MIPOL1: variants seen among roughly 807,000 people sequenced by gnomAD.
The protein encoded by MIPOL1 is mirror-image polydactyly 1.
MIPOL1 carries 57 observed loss-of-function variants against 60.9 expected under a neutral mutation model. The observed-to-expected ratio is 0.94, with a 90% CI of 0.76 to 1.17. The LOEUF (loss-of-function observed/expected upper bound fraction) is 1.17, where lower values mean the gene tolerates loss of function less well. Among genes scored for constraint, MIPOL1 ranks in the 50% most tolerant of loss-of-function variants. The probability of loss-of-function intolerance (pLI) is 0.00; values close to 1 mark genes in which losing one functional copy is unlikely to be tolerated. For missense variants in MIPOL1, 551 were observed against 511.6 expected (o/e 1.08, Z -0.74); for synonymous variants, 179 against 168.8 (o/e 1.06, Z -0.47).
intron 12 of MIPOL1, among the ~76,000 whole-genome samples, chr14:37,522,316 A>G (rs1027576175): frequency 3.3e-5 from 5 of 152,202 alleles, no homozygotes; most frequent in Admixed American, 6.5e-5. Flanking sequence ...AGGAAATTTA[A>G]TAGTTTGTTA....
At chr14:37,372,153 A>G (rs991219023) in intron 10 of MIPOL1, among the ~76,000 whole-genome samples, 9 of 151,990 alleles carry the variant, frequency 5.9e-5, no homozygotes, top group African/African-American at 1.9e-4. Context: ...TGAGCAATTC[A>G]TGGTTTATTT....
chr14:37,448,057 A>G (rs1348706044), intron 11 of MIPOL1, among the ~76,000 whole-genome samples: 1 of 152,166 alleles, frequency 6.6e-6, no homozygotes, highest in Non-Finnish European at 1.5e-5. Flanking sequence ...CAAGGCTGCA[A>G]ACTGGATATG....
intron 9 of MIPOL1, among the ~76,000 whole-genome samples, chr14:37,332,896 A>T (rs1021447396): frequency 1.3e-5 from 2 of 152,194 alleles, no homozygotes; most frequent in Non-Finnish European, 2.9e-5. Context: ...TTTTGCTATG[A>T]TACACAATTT....
At chr14:37,279,448 A>G (rs141528218) in intron 6 of MIPOL1, among the ~76,000 whole-genome samples, 13 of 151,960 alleles carry the variant, frequency 8.6e-5, no homozygotes, top group African/African-American at 3.1e-4. Context: ...CTCAGTGTTT[A>G]CAATTAAGTT....
rs887994688 is a variant in MIPOL1 at position 37,285,510 on chromosome 14, G to A, written c.623+63G>A. Reference sequence around the variant, plus strand: ...CACTTATAAAAGGCATGCTTTAGGTGGTAGTTACATATTTAAAAATGTGAC... The same window carrying A: ...CACTTATAAAAGGCATGCTTTAGGTAGTAGTTACATATTTAAAAATGTGAC... On this transcript the variant is annotated intron_variant, in intron 7 of 12. Transcript: ENST00000684589. 2.6e-6 allele frequency: 4 copies of A among 1,511,728 alleles called. No homozygotes were observed. In the African/African-American group the frequency reaches 5.6e-5, roughly 21 times the overall value. The allele number at this position is 1,511,728 out of a possible 1,614,324, so 93.6% of individuals were successfully genotyped here.
At chr14:37,294,727 G>A (rs6571802) in intron 7 of MIPOL1, among the ~76,000 whole-genome samples, 150,454 of 152,256 alleles carry the variant, frequency 0.99, 74,361 homozygotes, top group Middle Eastern at 1. Flanking sequence ...GATGAAATGA[G>A]TGAAATGAAG....
chr14:37,298,144 C>T (rs1331922688), intron 7 of MIPOL1, among the ~76,000 whole-genome samples: 7 of 152,094 alleles, frequency 4.6e-5, no homozygotes, highest in Non-Finnish European at 7.4e-5. Flanking sequence ...AGAAATAATG[C>T]CGCATATCTA....
rs535591985 is a variant in MIPOL1 at position 37,417,794 on chromosome 14, A to G, written c.937-5061A>G. On this transcript the variant is annotated intron_variant, in intron 10 of 12. Coordinates refer to ENST00000684589, the MANE Select transcript of MIPOL1 (RefSeq NM_001388067.1). ...TTATGGTTACTCTGGAAATAACTCT[A>G]TTAAAATAACTATCACACATATTAA... is the stretch of plus-strand genomic sequence containing the variant. Among the ~76,000 whole-genome samples the G allele has an allele frequency of 3.3e-5, 5 of 152,302 alleles. No individual in the cohort carries two copies. In the South Asian group the frequency reaches 1.0e-3, roughly 32 times the overall value.
intron 9 of MIPOL1, among the ~76,000 whole-genome samples, chr14:37,328,300 C>T (rs1012151473): frequency 6.6e-6 from 1 of 152,098 alleles, no homozygotes; most frequent in Non-Finnish European, 1.5e-5. Flanking sequence ...CAGGCATAAG[C>T]CACCACACCC....
intron 10 of MIPOL1, among the ~76,000 whole-genome samples, chr14:37,395,567 T>C (rs1263405107): frequency 6.6e-6 from 1 of 152,206 alleles, no homozygotes; most frequent in East Asian, 1.9e-4. Flanking sequence ...TTGGTCACTG[T>C]TGGTTTATAG....
intron 12 of MIPOL1, among the ~76,000 whole-genome samples, chr14:37,543,969 A>G (rs2095538689): frequency 6.6e-6 from 1 of 152,224 alleles, no homozygotes; most frequent in African/African-American, 2.4e-5. Context: ...ACATTAATCA[A>G]GATAAGAAAT....
chr14:37,545,814 G>C, intron 12 of MIPOL1: 1 of 475,294 alleles, frequency 2.1e-6, no homozygotes, highest in Non-Finnish European at 3.8e-6. Context: ...TCAGTGTCTA[G>C]CTCTGTGCTG....
chr14:37,521,910 A>ATTTT lies in MIPOL1; in HGVS notation c.1262+21779_1262+21782dup, dbSNP rs34333538. ...GAAAAAAAAATATATATATATATAT[A>ATTTT]TTTTTTTTTTCTTTGGCTTCAAAAA... is the stretch of plus-strand genomic sequence containing the variant. On this transcript the variant is annotated intron_variant, in intron 12 of 12. Transcript: ENST00000684589. Among the ~76,000 whole-genome samples, 632 of 132,760 alleles carry ATTTT rather than the reference A, an allele frequency of 4.8e-3. 7 individuals carry two copies. Among genetic ancestry groups the ATTTT allele is most frequent in the African/African-American group, 0.017 (595 of 35,920 alleles). 87.1% of individuals were successfully genotyped at this position (132,760 alleles called of 152,430 possible). A position where few individuals can be genotyped will look rare whatever the true frequency, so the allele number is the denominator to read the frequency against.
chr14:37,209,963 G>C (rs1966669547), intron 1 of MIPOL1, among the ~76,000 whole-genome samples: 1 of 151,422 alleles, frequency 6.6e-6, no homozygotes, highest in Admixed American at 6.6e-5. Context: ...CTCCCACCTT[G>C]GACTCTCAAA....
chr14:37,466,075 A>G (rs1257030157), intron 11 of MIPOL1, among the ~76,000 whole-genome samples: 1 of 152,200 alleles, frequency 6.6e-6, no homozygotes, highest in African/African-American at 2.4e-5. Flanking sequence ...AAAAGCAAAA[A>G]TCCAAATGTC....
At chr14:37,364,516 T>G (rs2092403336) in intron 9 of MIPOL1, among the ~76,000 whole-genome samples, 3 of 152,210 alleles carry the variant, frequency 2.0e-5, no homozygotes. Context: ...TTGGCACTTT[T>G]GTTAAAAATT....
intron 3 of MIPOL1, among the ~76,000 whole-genome samples, chr14:37,253,598 T>A (rs545031992): frequency 6.6e-6 from 1 of 151,806 alleles, no homozygotes; most frequent in Non-Finnish European, 1.5e-5. Flanking sequence ...GGTGATTGTC[T>A]TTCTTATTCC....
At chr14:37,444,138 A>T (rs1392994057) in intron 11 of MIPOL1, among the ~76,000 whole-genome samples, 1 of 152,210 alleles carries the variant, frequency 6.6e-6, no homozygotes, top group Non-Finnish European at 1.5e-5. Flanking sequence ...TTATTTGCAG[A>T]TGATATGTTG....
At position 37,498,218 on chromosome 14, in the gene MIPOL1, G is replaced by T. The variant is rs376335851; in HGVS notation, c.1032-1690G>T. ...GGGGAAAAAATGGGAGGGAACACTGGGGGGTCTTCTAGATTTCTGCATTTG... is the reference window on the plus strand; with the variant it reads ...GGGGAAAAAATGGGAGGGAACACTGTGGGGTCTTCTAGATTTCTGCATTTG... On this transcript the variant is annotated intron_variant, in intron 11 of 12. Transcript: ENST00000684589. Among the ~76,000 whole-genome samples, 6 of 152,122 alleles carry T rather than the reference G, an allele frequency of 3.9e-5. No individual in the cohort carries two copies. In the East Asian group the frequency reaches 9.7e-4, roughly 25 times the overall value.
Sources: allele counts gnomAD v4.1 joint callset (sites outside exome capture counted in the v4.1 genomes callset), GRCh38; gene constraint gnomAD v4.1.1; transcripts MANE v1.5; gene names NCBI Gene and HGNC (gene_info 2026-07-23, HGNC 2026-07-21).